PHIP: variants seen among roughly 807,000 people sequenced by gnomAD.
PHIP encodes the protein PHIP subunit of CUL4-Ring ligase complex, also known as PH-interacting protein.
PHIP carries 54 observed loss-of-function variants against 236.8 expected under a neutral mutation model. That is an observed-to-expected ratio of 0.23 (90% CI 0.18 to 0.29). PHIP has a LOEUF of 0.29. PHIP is among the 10% of genes least tolerant of loss of function. The pLI is 1.00. For synonymous variants in PHIP, 756 were observed against 718.9 expected, an observed-to-expected ratio of 1.05 and a Z score of -0.83; for missense variants, 1,370 against 2,190.8, an observed-to-expected ratio of 0.63 and a Z score of 7.48.
intron 21 of PHIP, 44 bp downstream of exon 21, chr6:78,988,165 T>C: frequency 7.3e-7 from 1 of 1,379,156 alleles, no homozygotes; most frequent in South Asian, 1.5e-5. Context: ...TTTAAAAAAA[T>C]AAGTAAAAAT....
intron 24 of PHIP, among the ~76,000 whole-genome samples, chr6:78,977,597 C>G (rs1768198014): frequency 6.6e-6 from 1 of 152,090 alleles, no homozygotes; most frequent in Admixed American, 6.6e-5. Flanking sequence ...GACCTTCAAG[C>G]ACCAGCAGCT....
At chr6:78,955,793 G>A in intron 32 of PHIP, 111 bp from the exon 33 acceptor site, 1 of 491,790 alleles carries the variant, frequency 2.0e-6, no homozygotes, top group Non-Finnish European at 3.7e-6. Flanking sequence ...CTGAAGGCTT[G>A]CTTTCTTCTC....
At chr6:79,006,685 T>TA (rs1415151622) in intron 15 of PHIP, among the ~76,000 whole-genome samples, 1 of 152,140 alleles carries the variant, frequency 6.6e-6, no homozygotes, top group South Asian at 2.1e-4. Flanking sequence ...AGCTAGCACT[T>TA]ACTGCAGTTG....
chr6:78,963,200 G>A lies in PHIP; in HGVS notation c.3432C>T (p.Cys1144=), dbSNP rs1766903727. The change falls in exon 30 of 40, where the codon TGC becomes TGT. Residue 1144 remains cysteine (C), a synonymous_variant. Transcript: ENST00000275034. ...GTSVPLTDGE[C]RSLIYKPLDG... ...CAAGAGGTTTATAGATTAGTGATCT[G>A]CACTCACCATCAGTTAAAGGAACAC... 1 of 1,608,892 alleles carries A rather than the reference G, an allele frequency of 6.2e-7. No homozygotes were observed. Among genetic ancestry groups the A allele is most frequent in the African/African-American group, 1.3e-5 (1 of 74,642 alleles).
rs536219834 is a variant in PHIP, at chr6:79,008,216, C to T, written c.1525-4358G>A. Among the ~76,000 whole-genome samples, 6 of 151,342 alleles carry T rather than the reference C, an allele frequency of 4.0e-5. No individual in the cohort carries two copies. The East Asian group carries it at 1.2e-3, about 29-fold the overall frequency. On this transcript the variant is annotated intron_variant, in intron 15 of 39. Coordinates refer to ENST00000275034, the MANE Select transcript of PHIP (RefSeq NM_017934.7). ...AAAAAAAAAAAAATCCAAATTCCAA[C>T]AGTTCAGGTGTTATCAAATTACTTT...
Position 78,954,840 on chromosome 6 carries a change from G to C in PHIP, c.4027C>G (p.Gln1343Glu). Reference protein sequence around the residue: ...FQCEDSEPFRQPVDLLEYPDY... With the variant: ...FQCEDSEPFREPVDLLEYPDY... The stretch of plus-strand genomic sequence containing the variant: ...GGATATTCAAGGAGATCTACCGGCT[G>C]ACGGAAAGGCTCTGAATCTTCACAT... The change falls in exon 35 of 40, where the codon CAG becomes GAG. Residue 1343 changes from glutamine to glutamate, a missense_variant. Physicochemically the swap from Gln to Glu is conservative, Grantham distance 29. Around this residue, in one of 14 missense-constraint regions of PHIP, gnomAD observed 125 missense variants for 235.1 expected, o/e 0.53. Transcript: ENST00000275034. The C allele has an allele frequency of 6.3e-7, 1 of 1,581,382 alleles. No individual in the cohort carries two copies.
At chr6:79,040,466 A>C (rs1772152055) in intron 7 of PHIP, among the ~76,000 whole-genome samples, 1 of 152,158 alleles carries the variant, frequency 6.6e-6, no homozygotes, top group African/African-American at 2.4e-5. Flanking sequence ...TAAAAAGGAA[A>C]TACTGGTTGA....
At chr6:78,945,569 A>T (rs1773767743) in intron 38 of PHIP, 72 bp from the exon 39 acceptor site, 1 of 906,774 alleles carries the variant, frequency 1.1e-6, no homozygotes, top group African/African-American at 1.7e-5. Flanking sequence ...GTTAACCTGA[A>T]TTATTTGAAT....
Position 78,941,287 on chromosome 6 carries a change from T to G in PHIP, c.4872A>C (p.Val1624=), listed in dbSNP as rs1562110079. 3.1e-6 allele frequency: 5 copies of G among 1,613,470 alleles called. No homozygotes were observed. Among genetic ancestry groups the G allele is most frequent in the Non-Finnish European group, 4.2e-6 (5 of 1,179,380 alleles). The change falls in exon 40 of 40, where the codon GTA becomes GTC. Residue 1624 remains valine, a synonymous_variant. Transcript: ENST00000275034. ...TTGATGGCTGTCCTCCATGGCCATT[T>G]ACTTGAATGGTTCCTGGTACAAGAG... is the stretch of plus-strand genomic sequence containing the variant. The part of the protein sequence containing the change: ...NNALVPGTIQ[V]NGHGGQPSKL...
Position 78,997,502 on chromosome 6 carries a change from C to T in PHIP, c.2113G>A (p.Ala705Thr), listed in dbSNP as rs1044058522. The T allele has an allele frequency of 1.9e-6, 3 of 1,613,892 alleles. No individual in the cohort carries two copies. The highest frequency in any genetic ancestry group is 1.1e-5 in the South Asian group (1 of 91,090). ...TCTGTGGCTATTTCACTTCTTGGTG[C>T]GTTGCTGTGCATTTGCCGTACACCT... ...IEGVRQMHSN[A>T]PRSEIATERD... is the part of the protein sequence containing the mutation. The change falls in exon 19 of 40, where the codon GCA becomes ACA. Residue 705 changes from alanine to threonine, a missense_variant. Ala to Thr is a moderately conservative substitution (Grantham distance 58). Coordinates refer to ENST00000275034, the MANE Select transcript of PHIP (RefSeq NM_017934.7).
At chr6:79,041,582 T>C (rs969761642) in intron 7 of PHIP, among the ~76,000 whole-genome samples, 3 of 152,048 alleles carry the variant, frequency 2.0e-5, no homozygotes, top group African/African-American at 7.2e-5. Flanking sequence ...ATTAGAAAAA[T>C]CAAATTTACT....
intron 17 of PHIP, among the ~76,000 whole-genome samples, chr6:78,998,880 G>A (rs1562166618): frequency 6.6e-6 from 1 of 152,028 alleles, no homozygotes; most frequent in Non-Finnish European, 1.5e-5. Flanking sequence ...ACTACGCCAG[G>A]TACTGAGATC....
intron 2 of PHIP, 37 bp downstream of exon 2, chr6:79,077,818 C>G: frequency 2.4e-6 from 3 of 1,225,242 alleles, no homozygotes; most frequent in African/African-American, 1.6e-5. Flanking sequence ...CCGCGAGCGG[C>G]GAGCGCCGGC....
At position 78,959,298 on chromosome 6, in the gene PHIP, C is replaced by G. The variant is rs185346038; in HGVS notation, c.3657-698G>C. Among the ~76,000 whole-genome samples the G allele has an allele frequency of 2.0e-5, 3 of 152,032 alleles. No individual in the cohort carries two copies. In the East Asian group the frequency reaches 5.8e-4, roughly 29 times the overall value. On this transcript the variant is annotated intron_variant, in intron 31 of 39. Coordinates refer to ENST00000275034, the MANE Select transcript of PHIP (RefSeq NM_017934.7). ...CTTAGAAAATCTTACTGATTGTGAA[C>G]AGAAATACAATCATATGGAATAACA...
chr6:78,963,359 A>T (rs2127699306), intron 29 of PHIP, 107 bp from the exon 30 acceptor site: 2 of 805,252 alleles, frequency 2.5e-6, no homozygotes, highest in Non-Finnish European at 3.8e-6. Context: ...TATTTTGTAT[A>T]GATTTGTAAA....
At chr6:79,038,971 G>C (rs896946857) in intron 7 of PHIP, among the ~76,000 whole-genome samples, 1 of 152,020 alleles carries the variant, frequency 6.6e-6, no homozygotes, top group Non-Finnish European at 1.5e-5. Context: ...TCAGTCTCTC[G>C]AGTCTTACAA....
intron 35 of PHIP, among the ~76,000 whole-genome samples, chr6:78,952,429 A>G (rs540080536): frequency 0.012 from 1,577 of 132,870 alleles, 45 homozygotes; most frequent in African/African-American, 0.04. Context: ...AAAAAAAAAG[A>G]AAAAAAAAAA....
At position 78,990,984 on chromosome 6, in the gene PHIP, T is replaced by C. The variant is rs1444928042; in HGVS notation, c.2203A>G (p.Arg735Gly). The part of the protein sequence containing the change: ...VPELSAGVAS[R>G]QEEWRTAKGE... ...TTTGCAGTTCTCCATTCTTCTTGCC[T>C]ACTGAAAGACAAAAGCCATATGCAT... The change falls in exon 20 of 40, where the codon AGG (arginine) becomes GGG (glycine). Residue 735 changes from arginine (R) to glycine (G), a missense_variant and splice_region_variant. Coordinates refer to ENST00000275034, the MANE Select transcript of PHIP (RefSeq NM_017934.7). 7 of 1,580,770 alleles carry C rather than the reference T, an allele frequency of 4.4e-6. No individual in the cohort carries two copies. The African/African-American group carries it at 6.8e-5, about 15-fold the overall frequency.
chr6:79,061,991 C>G (rs1380996588), intron 4 of PHIP, among the ~76,000 whole-genome samples: 1 of 152,122 alleles, frequency 6.6e-6, no homozygotes, highest in African/African-American at 2.4e-5. Context: ...TACTCTTTAT[C>G]AAAATACACT....
Sources: gnomAD v4.1 joint callset for allele counts (sites outside exome capture counted in the v4.1 genomes callset) on GRCh38, gnomAD v4.1.1 for gene constraint, gnomAD v4.1.1 regional missense constraint, MANE v1.5 for transcripts, NCBI Gene and HGNC (gene_info 2026-07-23, HGNC 2026-07-21) for gene names.